Variants in RARB observed in about 807,000 individuals in gnomAD.
RARB encodes HBV-activated protein.
A neutral mutation model predicts 51.9 loss-of-function variants in RARB; 17 were observed. The observed-to-expected ratio is 0.33, with a 90% CI of 0.22 to 0.49. The LOEUF is 0.49. Ranked by LOEUF, RARB falls within the 20% of genes least tolerant of loss-of-function variation. RARB has a pLI of 0.99. For missense variants in RARB, 369 were observed against 550.8 expected, an observed-to-expected ratio of 0.67 and a Z score of 3.30; for synonymous variants, 215 against 195.4, an observed-to-expected ratio of 1.10 and a Z score of -0.84.
At chr3:25,259,910 T>C (rs1575265628) in intron 5 of RARB, 1 of 985,354 alleles carries the variant, frequency 1.0e-6, no homozygotes, top group Non-Finnish European at 1.2e-6. Flanking sequence ...GAAGGTTTTC[T>C]TTCTCAGGCT....
At chr3:25,022,503 A>G (rs952397168) in intron 2 of RARB, among the ~76,000 whole-genome samples, 2 of 152,178 alleles carry the variant, frequency 1.3e-5, no homozygotes, top group Non-Finnish European at 2.9e-5. Flanking sequence ...TCTAATTTTA[A>G]AAACTCTGGT....
At chr3:25,114,020 T>C (rs1699645710) in intron 3 of RARB, among the ~76,000 whole-genome samples, 1 of 152,200 alleles carries the variant, frequency 6.6e-6, no homozygotes, top group South Asian at 2.1e-4. Context: ...TTAAAGATGG[T>C]GTATAAGAAG....
At chr3:25,509,286 T>C (rs1697767439) in intron 3 of RARB, among the ~76,000 whole-genome samples, 1 of 152,224 alleles carries the variant, frequency 6.6e-6, no homozygotes, top group Non-Finnish European at 1.5e-5. Flanking sequence ...TGGATTGGAC[T>C]CATGGGGTAA....
At chr3:24,904,962 A>G (rs1041516456) in intron 2 of RARB, among the ~76,000 whole-genome samples, 3 of 152,216 alleles carry the variant, frequency 2.0e-5, no homozygotes, top group African/African-American at 7.2e-5. Context: ...GAGTTGAACA[A>G]TGAAAACACA....
intron 3 of RARB, among the ~76,000 whole-genome samples, chr3:25,064,769 A>C (rs535557687): frequency 6.6e-6 from 1 of 152,212 alleles, no homozygotes; most frequent in African/African-American, 2.4e-5. Context: ...TCAGAGCCCC[A>C]CAATTTGAAT....
At chr3:25,392,016 C>G (rs551556381) in intron 5 of RARB, among the ~76,000 whole-genome samples, 2 of 151,976 alleles carry the variant, frequency 1.3e-5, no homozygotes, top group African/African-American at 4.8e-5. Context: ...GAATTTTTAT[C>G]GTTCCAGGTC....
chr3:25,092,769 T>C (rs1034673526), intron 3 of RARB, among the ~76,000 whole-genome samples: 1 of 152,160 alleles, frequency 6.6e-6, no homozygotes, highest in African/African-American at 2.4e-5. Flanking sequence ...ATTTTTCCAC[T>C]GAATGGATTC....
At chr3:25,551,625 T>G (rs1053841241) in intron 3 of RARB, among the ~76,000 whole-genome samples, 1 of 152,174 alleles carries the variant, frequency 6.6e-6, no homozygotes, top group African/African-American at 2.4e-5. Flanking sequence ...CATCTGACGC[T>G]TAGGAGAAAG....
intron 3 of RARB, among the ~76,000 whole-genome samples, chr3:25,501,702 G>A (rs1697324136): frequency 6.6e-6 from 1 of 152,074 alleles, no homozygotes; most frequent in Non-Finnish European, 1.5e-5. Context: ...AAAATGATAG[G>A]CATGAATGTT....
chr3:24,906,489 C>T (rs1423791258), intron 2 of RARB, among the ~76,000 whole-genome samples: 1 of 152,026 alleles, frequency 6.6e-6, no homozygotes, highest in Non-Finnish European at 1.5e-5. Context: ...GAATACTGCC[C>T]TTTATTAGAT....
chr3:25,317,980 A>G (rs1284670332), intron 5 of RARB, among the ~76,000 whole-genome samples: 3 of 152,180 alleles, frequency 2.0e-5, no homozygotes, highest in African/African-American at 7.2e-5. Context: ...CTGTTGTTGG[A>G]AACAACAGGC....
intron 4 of RARB, among the ~76,000 whole-genome samples, chr3:25,145,244 A>G (rs1700168030): frequency 2.6e-5 from 4 of 152,156 alleles, no homozygotes; most frequent in Admixed American, 2.6e-4. Context: ...TTCTCTTCCA[A>G]ATGCCTCCCT....
At chr3:25,513,430 A>C (rs1220801761) in intron 3 of RARB, among the ~76,000 whole-genome samples, 1 of 152,214 alleles carries the variant, frequency 6.6e-6, no homozygotes, top group Non-Finnish European at 1.5e-5. Context: ...AAGAGATTTG[A>C]ACACGTGAAC....
chr3:25,205,360 C>G (rs1044870460), intron 5 of RARB, among the ~76,000 whole-genome samples: 1 of 152,144 alleles, frequency 6.6e-6, no homozygotes, highest in Non-Finnish European at 1.5e-5. Context: ...ATTCCCTGAC[C>G]CCTTGCACTT....
chr3:25,023,007 T>G (rs1404110547), intron 2 of RARB, among the ~76,000 whole-genome samples: 2 of 152,132 alleles, frequency 1.3e-5, no homozygotes, highest in Non-Finnish European at 2.9e-5. Flanking sequence ...CCAAATCACT[T>G]TAGCTGCTGC....
At chr3:25,579,734 A>G (rs1701088963) in intron 4 of RARB, among the ~76,000 whole-genome samples, 1 of 152,150 alleles carries the variant, frequency 6.6e-6, no homozygotes, top group Non-Finnish European at 1.5e-5. Flanking sequence ...ATTTTCTGGC[A>G]TTCTGGATGT....
At chr3:25,090,040 ATGAC>A (rs1699169510) in intron 3 of RARB, among the ~76,000 whole-genome samples, 1 of 152,148 alleles carries the variant, frequency 6.6e-6, no homozygotes, top group Non-Finnish European at 1.5e-5. Flanking sequence ...CATTAACCGA[ATGAC>A]AGAAAGCAGG....
At position 25,338,277 on chromosome 3, in the gene RARB, G is replaced by C. The variant is rs62235572; in HGVS notation, c.179-122916G>C. ...GCAGGCATCCCATGGGAGAGCAAGA[G>C]ATAGTATCTAGAGGCTGTATTTACA... On this transcript the variant is annotated intron_variant, in intron 5 of 11. Coordinates refer to the RARB transcript ENST00000383772. Among the ~76,000 whole-genome samples the C allele has an allele frequency of 5.5e-3, 838 of 152,270 alleles. 6 individuals are homozygous for C. Among genetic ancestry groups the C allele is most frequent in the Non-Finnish European group, 8.9e-3 (607 of 68,028 alleles).
chr3:24,936,908 G>T (rs1188392153), intron 2 of RARB, among the ~76,000 whole-genome samples: 4 of 152,110 alleles, frequency 2.6e-5, no homozygotes, highest in African/African-American at 9.7e-5. Context: ...AGTGTGTTTG[G>T]TGTGCTTTGC....
Sources: gnomAD v4.1 joint callset for allele counts (sites outside exome capture counted in the v4.1 genomes callset) on GRCh38, gnomAD v4.1.1 for gene constraint, MANE v1.5 for transcripts, NCBI Gene and HGNC (gene_info 2026-07-23, HGNC 2026-07-21) for gene names.